The following MXI1 variants were observed in gnomAD, a reference collection of about 807,000 sequenced individuals.
MXI1 encodes the protein max-interacting protein 1.
In MXI1, 18 loss-of-function variants were observed where a neutral mutation model predicts 36.9. The ratio of observed to expected loss-of-function variants is 0.49; its 90% CI spans 0.34 to 0.72. The LOEUF (loss-of-function observed/expected upper bound fraction) is 0.72, where lower values mean the gene tolerates loss of function less well. MXI1 is among the 30% of genes least tolerant of loss of function. The probability of loss-of-function intolerance (pLI) is 0.01; values close to 1 mark genes in which losing one functional copy is unlikely to be tolerated. For synonymous variants in MXI1, 160 were observed against 146.7 expected (o/e 1.09, Z -0.65); for missense variants, 304 against 379.1 (o/e 0.80, Z 1.64).
intron 2 of MXI1, among the ~76,000 whole-genome samples, chr10:110,229,017 C>T (rs1484130080): frequency 6.6e-6 from 1 of 152,108 alleles, no homozygotes; most frequent in African/African-American, 2.4e-5. Context: ...CTTAGGAGTT[C>T]AAGACCAACC....
At chr10:110,253,456 C>A (rs1856173452) in intron 3 of MXI1, among the ~76,000 whole-genome samples, 1 of 152,018 alleles carries the variant, frequency 6.6e-6, no homozygotes, top group Non-Finnish European at 1.5e-5. Context: ...AAATCGTTTT[C>A]ACTGCCTATT....
rs553618288 is a variant in MXI1, at chr10:110,274,069, G to A, written c.438-5111G>A. Among the ~76,000 whole-genome samples the A allele has an allele frequency of 1.5e-4, 23 of 152,266 alleles. No homozygotes were observed. In the South Asian group the frequency reaches 4.8e-3, roughly 32 times the overall value. ...TAAAATAGCACAGCTACTAGTAGAG[G>A]CCATTTTATACCAAAATCATTTCCC... On this transcript the variant is annotated intron_variant, in intron 3 of 5. Coordinates refer to ENST00000332674, the MANE Select transcript of MXI1 (RefSeq NM_130439.3).
chr10:110,280,734 A>C (rs1386545468), intron 5 of MXI1, among the ~76,000 whole-genome samples: 2 of 151,976 alleles, frequency 1.3e-5, no homozygotes, highest in African/African-American at 4.8e-5. Context: ...CCATTGTGTC[A>C]GGAAGATACA....
chr10:110,257,979 G>T (rs1026887032), intron 3 of MXI1: 1 of 153,680 alleles, frequency 6.5e-6, no homozygotes, highest in Non-Finnish European at 1.4e-5. Context: ...GATATTGAAA[G>T]AATTTACTAG....
chr10:110,268,872 C>T (rs981025153), intron 3 of MXI1, among the ~76,000 whole-genome samples: 9 of 152,024 alleles, frequency 5.9e-5, no homozygotes, highest in Non-Finnish European at 8.8e-5. Context: ...GGGACTATGG[C>T]GTATTTTAAA....
rs117611461 is a variant in MXI1, at chr10:110,215,345, T to C, written c.274+7263T>C. ...GTGAGCCACCACACTGGGTCCAGGT[T>C]TTGTTTTTAAAGGAGGCAGGTATTA... On this transcript the variant is annotated intron_variant, in intron 1 of 5. Coordinates refer to ENST00000332674, the MANE Select transcript of MXI1 (RefSeq NM_130439.3). Among the ~76,000 whole-genome samples the C allele has an allele frequency of 9.9e-5, 15 of 152,162 alleles. No individual in the cohort carries two copies. The East Asian group carries it at 2.9e-3, about 29-fold the overall frequency.
At chr10:110,265,728 A>G (rs1466382675) in intron 3 of MXI1, among the ~76,000 whole-genome samples, 1 of 152,180 alleles carries the variant, frequency 6.6e-6, no homozygotes, top group Non-Finnish European at 1.5e-5. Flanking sequence ...GCTAAGTTGT[A>G]TGTGTTTGAG....
chr10:110,229,963 A>G (rs1456080478), intron 2 of MXI1, among the ~76,000 whole-genome samples: 1 of 152,170 alleles, frequency 6.6e-6, no homozygotes, highest in East Asian at 1.9e-4. Context: ...AATTAGGTAT[A>G]TAATTTCAGT....
chr10:110,261,066 C>T (rs1742901365), intron 3 of MXI1: 2 of 984,880 alleles, frequency 2.0e-6, no homozygotes, highest in East Asian at 1.1e-4. Flanking sequence ...GAGCACACTG[C>T]TCTTACACAA....
At chr10:110,213,861 C>T (rs960230672) in intron 1 of MXI1, among the ~76,000 whole-genome samples, 1 of 152,218 alleles carries the variant, frequency 6.6e-6, no homozygotes, top group Non-Finnish European at 1.5e-5. Context: ...GAAGAGGGTG[C>T]TGGCGTGCAG....
chr10:110,211,659 C>A (rs557168982), intron 1 of MXI1, among the ~76,000 whole-genome samples: 1 of 152,208 alleles, frequency 6.6e-6, no homozygotes, highest in African/African-American at 2.4e-5. Context: ...CAAGTTGTGG[C>A]CACATGGCTG....
chr10:110,225,797 G>A (rs1207043927), intron 1 of MXI1, among the ~76,000 whole-genome samples: 1 of 152,196 alleles, frequency 6.6e-6, no homozygotes, highest in African/African-American at 2.4e-5. Context: ...GACAGGAAAG[G>A]AAACCCAGCG....
intron 1 of MXI1, among the ~76,000 whole-genome samples, chr10:110,209,933 C>A (rs1854466050): frequency 6.7e-6 from 1 of 149,520 alleles, no homozygotes; most frequent in Admixed American, 6.6e-5. Context: ...ACCCCAGCCA[C>A]CCCCCCTCAC....
chr10:110,260,163 G>A lies in MXI1; in HGVS notation c.437+15306G>A, dbSNP rs919031846. Among the ~76,000 whole-genome samples, 5 of 152,080 alleles carry A rather than the reference G, an allele frequency of 3.3e-5. No individual in the cohort carries two copies. In the East Asian group the frequency reaches 7.7e-4, roughly 24 times the overall value. On this transcript the variant is annotated intron_variant, in intron 3 of 5. Coordinates refer to ENST00000332674, the MANE Select transcript of MXI1 (RefSeq NM_130439.3). ...TATGTAATGCATTGACATGAGTATC[G>A]TACCAGAAGTCAGAAGACATAATTT...
At chr10:110,268,944 A>G (rs1156985009) in intron 3 of MXI1, among the ~76,000 whole-genome samples, 1 of 152,212 alleles carries the variant, frequency 6.6e-6, no homozygotes, top group East Asian at 1.9e-4. Flanking sequence ...GTTATTAACA[A>G]CAACAACAAC....
At chr10:110,279,102 G>T in intron 3 of MXI1, 78 bp from the exon 4 acceptor site, 1 of 1,118,944 alleles carries the variant, frequency 8.9e-7, no homozygotes, top group South Asian at 1.3e-5. Flanking sequence ...GCAAATTATT[G>T]TTTATCTTAA....
At chr10:110,274,208 C>G (rs1041051878) in intron 3 of MXI1, among the ~76,000 whole-genome samples, 4 of 152,176 alleles carry the variant, frequency 2.6e-5, no homozygotes, top group Non-Finnish European at 4.4e-5. Context: ...AAAAGCCAAA[C>G]AGACTCTCAT....
At chr10:110,216,217 G>C (rs1054511797) in intron 1 of MXI1, among the ~76,000 whole-genome samples, 6 of 152,210 alleles carry the variant, frequency 3.9e-5, no homozygotes, top group African/African-American at 1.4e-4. Context: ...TATGTAAACA[G>C]AATCCTTTTT....
chr10:110,269,970 A>C (rs1284395083), intron 3 of MXI1, among the ~76,000 whole-genome samples: 1 of 152,220 alleles, frequency 6.6e-6, no homozygotes, highest in African/African-American at 2.4e-5. Context: ...ATAAGGCAAA[A>C]ATCTTTAATC....
Sources: allele counts gnomAD v4.1 joint callset (sites outside exome capture counted in the v4.1 genomes callset), GRCh38; gene constraint gnomAD v4.1.1; transcripts MANE v1.5; gene names NCBI Gene and HGNC (gene_info 2026-07-23, HGNC 2026-07-21).